Variants in RBM19 observed in about 807,000 individuals in gnomAD.
The protein encoded by RBM19 is RNA binding motif protein 19, also known as probable RNA-binding protein 19.
RBM19 carries 94 observed loss-of-function variants against 116.8 expected under a neutral mutation model. That is an observed-to-expected ratio of 0.80 (90% CI 0.68 to 0.95). The LOEUF (loss-of-function observed/expected upper bound fraction) is 0.95, where lower values mean the gene tolerates loss of function less well. Among genes scored for constraint, RBM19 ranks in the 40% least tolerant of loss-of-function variants. The probability of loss-of-function intolerance (pLI) is 0.00; values close to 1 mark genes in which losing one functional copy is unlikely to be tolerated. For synonymous variants in RBM19, 475 were observed against 494.1 expected (o/e 0.96, Z 0.51); for missense variants, 1,161 against 1,220.7 (o/e 0.95, Z 0.73).
chr12:113,917,820 A>G (rs543535856), intron 20 of RBM19, among the ~76,000 whole-genome samples: 1 of 152,354 alleles, frequency 6.6e-6, no homozygotes, highest in South Asian at 2.1e-4. Flanking sequence ...ATTTAGATAT[A>G]CAAGCAGGTA....
chr12:113,924,821 T>C, intron 17 of RBM19, 64 bp from the exon 18 acceptor site: 3 of 1,377,120 alleles, frequency 2.2e-6, no homozygotes, highest in Middle Eastern at 1.8e-4. Context: ...AGGGCACCTG[T>C]CAAACACTAT....
At chr12:113,823,383 A>T in intron 23 of RBM19, 62 bp from the exon 24 acceptor site, 2 of 1,454,274 alleles carry the variant, frequency 1.4e-6, no homozygotes, top group Non-Finnish European at 1.9e-6. Context: ...GGAGGCAGGA[A>T]GAGAGAAATG....
At chr12:113,890,613 T>C (rs11066806) in intron 21 of RBM19, among the ~76,000 whole-genome samples, 33,834 of 152,152 alleles carry the variant, frequency 0.22, 3,848 homozygotes, top group African/African-American at 0.27. Context: ...AGAGAAGCTC[T>C]GGCCACGGTG....
At chr12:113,925,317 C>G (rs533174773) in intron 17 of RBM19, among the ~76,000 whole-genome samples, 1 of 152,100 alleles carries the variant, frequency 6.6e-6, no homozygotes, top group Non-Finnish European at 1.5e-5. Context: ...GCCCAGGGGC[C>G]GGGGAGAAAC....
chr12:113,923,915 T>C (rs1192175329), intron 18 of RBM19, among the ~76,000 whole-genome samples: 2 of 152,236 alleles, frequency 1.3e-5, no homozygotes. Flanking sequence ...CTGGGGACTG[T>C]CTGAGGAGTA....
intron 13 of RBM19, among the ~76,000 whole-genome samples, chr12:113,943,982 G>T (rs993200612): frequency 1.1e-4 from 17 of 151,798 alleles, no homozygotes; most frequent in African/African-American, 3.9e-4. Context: ...CTGACCTTCA[G>T]TGCCTGGTGG....
intron 21 of RBM19, among the ~76,000 whole-genome samples, chr12:113,895,242 G>A (rs1359231727): frequency 6.6e-6 from 1 of 152,180 alleles, no homozygotes; most frequent in Non-Finnish European, 1.5e-5. Context: ...AACCTGCAAG[G>A]TGGCCTGCCA....
At chr12:113,894,684 AC>A (rs1459711541) in intron 21 of RBM19, among the ~76,000 whole-genome samples, 5 of 152,348 alleles carry the variant, frequency 3.3e-5, no homozygotes, top group Admixed American at 3.3e-4. Context: ...TGAGGAATCT[AC>A]CTGCTTACAG....
At chr12:113,823,348 G>A (rs979333878) in intron 23 of RBM19, 27 bp from the exon 24 acceptor site, 9 of 1,602,890 alleles carry the variant, frequency 5.6e-6, no homozygotes, top group Non-Finnish European at 7.7e-6. Context: ...GGCAAGAGAG[G>A]AGAAAAGAAC....
chr12:113,847,176 A>G (rs1219817778), intron 22 of RBM19, among the ~76,000 whole-genome samples: 1 of 152,238 alleles, frequency 6.6e-6, no homozygotes, highest in Non-Finnish European at 1.5e-5. Context: ...CACAGAGGGC[A>G]GCACATAATA....
chr12:113,951,714 G>A (rs1339630034), intron 8 of RBM19, among the ~76,000 whole-genome samples: 1 of 152,192 alleles, frequency 6.6e-6, no homozygotes, highest in African/African-American at 2.4e-5. Flanking sequence ...GGGTAAGTGG[G>A]ACTTCCGTGA....
At chr12:113,837,970 C>T (rs1040694797) in intron 23 of RBM19, among the ~76,000 whole-genome samples, 3 of 152,196 alleles carry the variant, frequency 2.0e-5, no homozygotes, top group African/African-American at 7.2e-5. Context: ...AAAAACATCA[C>T]CAAACTTCTG....
intron 22 of RBM19, 38 bp from the exon 23 acceptor site, chr12:113,844,826 G>C (rs977097317): frequency 8.2e-6 from 13 of 1,582,382 alleles, no homozygotes; most frequent in Non-Finnish European, 1.1e-5. Context: ...ACATCAGCTG[G>C]ATCAGTGCGG....
Position 113,949,030 on chromosome 12 carries a change from C to A in RBM19, c.1079G>T (p.Arg360Leu). The A allele has an allele frequency of 1.2e-6, 2 of 1,612,580 alleles. No homozygotes were observed. The highest frequency in any genetic ancestry group is 1.7e-6 in the Non-Finnish European group (2 of 1,178,892). The stretch of plus-strand genomic sequence containing the variant: ...CTTTTCCCTGAACACCTCGATGTAG[C>A]GCCCACCTGCAATGAAGAGGAGTCA... ...LKCNREYMGG[R>L]YIEVFREKNV... The change falls in exon 10 of 24, where the codon CGC (arginine) becomes CTC (leucine). Residue 360 changes from arginine (R) to leucine (L), a missense_variant. Coordinates refer to ENST00000261741, the MANE Select transcript of RBM19 (RefSeq NM_016196.4).
rs1458377695 is a variant in RBM19, at chr12:113,927,095, TAA to T, written c.2201_2202del (p.Ile734LysfsTer6). 4 of 1,613,576 alleles carry T rather than the reference TAA, an allele frequency of 2.5e-6. No individual in the cohort carries two copies. The Admixed American group carries it at 6.7e-5, about 27-fold the overall frequency. On this transcript the variant is annotated frameshift_variant, in exon 17 of 24. Coordinates refer to ENST00000261741, the MANE Select transcript of RBM19 (RefSeq NM_016196.4). LOFTEE classifies it high-confidence loss of function. ...EESLPGCTLF[I>X]KNLNFDTTEE... ...TCTGTTGTGTCAAAATTGAGATTCT[TAA>T]TAAACAGAGTACATCCTGGGAGGCT...
At chr12:113,824,601 G>C (rs3782423) in intron 23 of RBM19, among the ~76,000 whole-genome samples, 62 of 151,684 alleles carry the variant, frequency 4.1e-4, no homozygotes, top group African/African-American at 1.5e-3. Flanking sequence ...CCATTTATCC[G>C]CAGGCTGTGA....
At chr12:113,916,564 C>T (rs1041363643) in intron 20 of RBM19, among the ~76,000 whole-genome samples, 4 of 152,164 alleles carry the variant, frequency 2.6e-5, no homozygotes, top group African/African-American at 9.7e-5. Context: ...AAGCAGCATA[C>T]AGCAGAGGGA....
chr12:113,928,342 TAAAAC>T (rs963735814), intron 16 of RBM19, among the ~76,000 whole-genome samples: 15 of 145,934 alleles, frequency 1.0e-4, no homozygotes, highest in African/African-American at 3.8e-4. Flanking sequence ...ATCTCAAAAA[TAAAAC>T]AAAACAAACA....
In RBM19 at chr12:113,823,196, C is replaced by G; in HGVS notation, c.*28G>C. 2.5e-6 allele frequency: 4 copies of G among 1,597,360 alleles called. No individual in the cohort carries two copies. Among genetic ancestry groups the G allele is most frequent in the Non-Finnish European group, 3.4e-6 (4 of 1,173,702 alleles). On this transcript the variant is annotated 3_prime_UTR_variant, in exon 24 of 24. Coordinates refer to ENST00000261741, the MANE Select transcript of RBM19 (RefSeq NM_016196.4). ...GCGGCTGTCCCGGTCCCCAGGGCCC[C>G]GGAGCCACACACCCTCTCGGTGCCA...
Sources: gnomAD v4.1 joint callset for allele counts (sites outside exome capture counted in the v4.1 genomes callset) on GRCh38, gnomAD v4.1.1 for gene constraint, MANE v1.5 for transcripts, NCBI Gene and HGNC (gene_info 2026-07-23, HGNC 2026-07-21) for gene names.